Variants in TC2N observed in about 807,000 individuals in gnomAD.
TC2N encodes the protein tandem C2 domains nuclear protein.
Under a neutral mutation model 61.9 loss-of-function variants are expected in TC2N, and 51 were observed. The ratio of observed to expected loss-of-function variants is 0.82; its 90% CI spans 0.66 to 1.04. TC2N has a LOEUF of 1.04. TC2N is among the 50% of genes least tolerant of loss of function. The probability of loss-of-function intolerance (pLI) is 0.00; values close to 1 mark genes in which losing one functional copy is unlikely to be tolerated. For missense variants in TC2N, 556 were observed against 566.7 expected (o/e 0.98, Z 0.19); for synonymous variants, 204 against 192.6 (o/e 1.06, Z -0.49).
intron 1 of TC2N, among the ~76,000 whole-genome samples, chr14:91,826,671 A>G (rs965974716): frequency 1.3e-5 from 2 of 151,970 alleles, no homozygotes; most frequent in Non-Finnish European, 2.9e-5. Context: ...GGTGTCTTTT[A>G]TAAGTAGTAT....
chr14:91,832,158 G>A (rs1887800456), intron 1 of TC2N, among the ~76,000 whole-genome samples: 1 of 152,132 alleles, frequency 6.6e-6, no homozygotes. Flanking sequence ...GGAGACTGAG[G>A]CAGGTGGATC....
chr14:91,842,348 T>A (rs78983101), intron 1 of TC2N, among the ~76,000 whole-genome samples: 3,464 of 152,268 alleles, frequency 0.023, 51 homozygotes, highest in Middle Eastern at 0.061. Context: ...CTACAGAAAT[T>A]TGGGTAAAAA....
rs754134550 is a variant in TC2N at position 91,812,558 on chromosome 14, GA to G, written c.68-14del. 2.9e-4 allele frequency: 379 copies of G among 1,306,204 alleles called. No homozygotes were observed. The highest frequency in any genetic ancestry group is 3.2e-4 in the Non-Finnish European group (298 of 932,318). 80.9% of individuals were successfully genotyped at this position (1,306,204 alleles called of 1,614,324 possible). On this transcript the variant is annotated splice_polypyrimidine_tract_variant and intron_variant, in intron 2 of 11. Coordinates refer to ENST00000435962, the MANE Select transcript of TC2N (RefSeq NM_001128596.3). Reference sequence around the variant, plus strand: ...CTTTCCACAGAAACTGCATATAAAAGAAAAAAAAAGTCACAAATATGAATAT... The same window carrying G: ...CTTTCCACAGAAACTGCATATAAAAGAAAAAAAAGTCACAAATATGAATAT...
chr14:91,804,789 T>C (rs1478311693), intron 3 of TC2N, among the ~76,000 whole-genome samples: 1 of 152,268 alleles, frequency 6.6e-6, no homozygotes, highest in East Asian at 1.9e-4. Context: ...ATGGTGACAC[T>C]GAACACTCTA....
At chr14:91,789,451 A>G (rs2139825730) in intron 9 of TC2N, among the ~76,000 whole-genome samples, 1 of 151,870 alleles carries the variant, frequency 6.6e-6, no homozygotes, top group East Asian at 1.9e-4. Flanking sequence ...AAGAAGAAGA[A>G]AAAGAAAAAA....
At chr14:91,791,702 T>C (rs1885663221) in intron 9 of TC2N, among the ~76,000 whole-genome samples, 1 of 152,150 alleles carries the variant, frequency 6.6e-6, no homozygotes, top group African/African-American at 2.4e-5. Context: ...TGATTGAGTG[T>C]GGAATTTATG....
At chr14:91,849,132 C>A (rs1260969316) in intron 1 of TC2N, among the ~76,000 whole-genome samples, 1 of 152,122 alleles carries the variant, frequency 6.6e-6, no homozygotes, top group Admixed American at 6.6e-5. Flanking sequence ...GTAGGAGACT[C>A]AGAGTCGACA....
intron 1 of TC2N, among the ~76,000 whole-genome samples, chr14:91,816,825 C>T (rs1050565986): frequency 6.6e-6 from 1 of 151,870 alleles, no homozygotes; most frequent in African/African-American, 2.4e-5. Context: ...CATTAAATTT[C>T]CATATGCAAT....
At chr14:91,797,481 T>C (rs1289017521) in intron 8 of TC2N, among the ~76,000 whole-genome samples, 2 of 151,846 alleles carry the variant, frequency 1.3e-5, no homozygotes, top group Non-Finnish European at 2.9e-5. Context: ...CAAAGTGGGT[T>C]GGGGGAAAGA....
intron 1 of TC2N, among the ~76,000 whole-genome samples, chr14:91,844,130 G>C (rs7149219): frequency 0.042 from 6,453 of 152,218 alleles, 370 homozygotes; most frequent in African/African-American, 0.13. Context: ...TTATCCCATT[G>C]CCCTGAGAGT....
chr14:91,821,092 C>T (rs1887229925), intron 1 of TC2N, among the ~76,000 whole-genome samples: 1 of 151,910 alleles, frequency 6.6e-6, no homozygotes, highest in Non-Finnish European at 1.5e-5. Flanking sequence ...CTACCAAAAT[C>T]CCTTCCAGCT....
chr14:91,844,206 G>A (rs554153841), intron 1 of TC2N, among the ~76,000 whole-genome samples: 1 of 152,262 alleles, frequency 6.6e-6, no homozygotes, highest in African/African-American at 2.4e-5. Context: ...CCATTCCTAA[G>A]TAACATCCCC....
chr14:91,810,005 C>T (rs1204395957), intron 3 of TC2N, among the ~76,000 whole-genome samples: 1 of 152,184 alleles, frequency 6.6e-6, no homozygotes, highest in African/African-American at 2.4e-5. Context: ...AAAGCAGTTT[C>T]ATTTGCTTGC....
intron 1 of TC2N, among the ~76,000 whole-genome samples, chr14:91,866,797 T>C (rs1888711566): frequency 6.6e-6 from 1 of 152,208 alleles, no homozygotes; most frequent in South Asian, 2.1e-4. Flanking sequence ...GAGAGCAGGC[T>C]CATCCCCAGT....
intron 3 of TC2N, among the ~76,000 whole-genome samples, chr14:91,811,490 C>T (rs1324785129): frequency 1.3e-5 from 2 of 151,748 alleles, no homozygotes; most frequent in Non-Finnish European, 2.9e-5. Flanking sequence ...ACAAGAGCTA[C>T]ATGTTGTTTC....
Position 91,802,432 on chromosome 14 carries a change from A to G in TC2N, c.302-11T>C. The G allele has an allele frequency of 2.5e-6, 4 of 1,608,974 alleles. No individual in the cohort carries two copies. The highest frequency in any genetic ancestry group is 1.7e-6 in the Non-Finnish European group (2 of 1,178,212). ...ATGCTCTGGCAGATCCTGAAAGCAA[A>G]TGTTTCTAAAAGTTTATAACATCCT... On this transcript the variant is annotated splice_polypyrimidine_tract_variant and intron_variant, in intron 3 of 11. Transcript: ENST00000435962.
rs149384189 is a variant in TC2N at position 91,843,394 on chromosome 14, A to G, written c.-57+23868T>C. On this transcript the variant is annotated intron_variant, in intron 1 of 11. Transcript: ENST00000435962. ...CCTCTCAAGTCACTGGGCAGCACCA[A>G]TTTAGCCAATAGTAAGTTAGAGGAT... 4.8e-4 allele frequency among the ~76,000 whole-genome samples: 73 copies of G among 152,266 alleles called. No homozygotes were observed. The East Asian group carries it at 0.013, about 27-fold the overall frequency.
At chr14:91,853,649 T>TACACACACACACACAC (rs71123304) in intron 1 of TC2N, among the ~76,000 whole-genome samples, 1 of 103,046 alleles carries the variant, frequency 9.7e-6, no homozygotes, top group African/African-American at 4.5e-5. Context: ...TTTTTTAAAG[T>TACACACACACACACAC]ACACACACAC....
chr14:91,865,628 GAA>G (rs1888684679), intron 1 of TC2N, among the ~76,000 whole-genome samples: 1 of 151,752 alleles, frequency 6.6e-6, no homozygotes, highest in Non-Finnish European at 1.5e-5. Flanking sequence ...GTATCAAAAA[GAA>G]AAAGTTTATC....
Sources: gnomAD v4.1 joint callset for allele counts (sites outside exome capture counted in the v4.1 genomes callset) on GRCh38, gnomAD v4.1.1 for gene constraint, MANE v1.5 for transcripts, NCBI Gene and HGNC (gene_info 2026-07-23, HGNC 2026-07-21) for gene names.